The following RSF1 variants were observed in gnomAD, a reference collection of about 807,000 sequenced individuals.
RSF1 encodes HBV pX-associated protein 8.
In RSF1, 13 loss-of-function variants were observed where a neutral mutation model predicts 145.2. The ratio of observed to expected loss-of-function variants is 0.09; its 90% CI spans 0.06 to 0.14. The LOEUF is 0.14. RSF1 is among the 10% of genes least tolerant of loss of function. The probability of loss-of-function intolerance (pLI) is 1.00; values close to 1 mark genes in which losing one functional copy is unlikely to be tolerated. For synonymous variants in RSF1, 577 were observed against 592.6 expected, an observed-to-expected ratio of 0.97 and a Z score of 0.38; for missense variants, 1,517 against 1,718.2, an observed-to-expected ratio of 0.88 and a Z score of 2.07.
intron 11 of RSF1, among the ~76,000 whole-genome samples, chr11:77,678,654 A>G (rs1033227109): frequency 1.3e-5 from 2 of 152,166 alleles, no homozygotes; most frequent in South Asian, 2.1e-4. Context: ...GCCCTCATGT[A>G]TAAGATTAGT....
chr11:77,683,340 T>A (rs561153226), intron 11 of RSF1, among the ~76,000 whole-genome samples: 25 of 151,932 alleles, frequency 1.6e-4, no homozygotes, highest in Admixed American at 7.9e-4. Context: ...GGAAATCTGA[T>A]AAAGTATGTT....
intron 1 of RSF1, among the ~76,000 whole-genome samples, chr11:77,812,549 G>A (rs745804431): frequency 6.6e-6 from 1 of 152,108 alleles, no homozygotes; most frequent in Non-Finnish European, 1.5e-5. Flanking sequence ...GCTGAAGCCT[G>A]GTCTGTCTGC....
chr11:77,674,965 C>G (rs1959660156), intron 14 of RSF1, 71 bp downstream of exon 14: 1 of 1,283,758 alleles, frequency 7.8e-7, no homozygotes, highest in Admixed American at 2.3e-5. Context: ...TGCCATTGCA[C>G]TCCAGCATGA....
At chr11:77,670,079 T>C (rs935797633) in intron 15 of RSF1, among the ~76,000 whole-genome samples, 17 of 152,216 alleles carry the variant, frequency 1.1e-4, no homozygotes, top group African/African-American at 2.2e-4. Flanking sequence ...TGAGCTGTGA[T>C]TGTGCCACTG....
In RSF1 at chr11:77,700,701, AAAGTT is replaced by A. The variant is rs1960397699; in HGVS notation, c.2508+15_2508+19del. Reference sequence around the variant, plus strand: ...TATATAGAGACAAATATTTTTAATTAAAGTTAAGACAAGTTTTACCTTGCTTACTT... The same window carrying A: ...TATATAGAGACAAATATTTTTAATTAAAGACAAGTTTTACCTTGCTTACTT... On this transcript the variant is annotated intron_variant, in intron 6 of 15. Transcript: ENST00000308488. 6.6e-7 allele frequency: 1 copy of A among 1,515,424 alleles called. No homozygotes were observed. Among genetic ancestry groups the A allele is most frequent in the African/African-American group, 1.4e-5 (1 of 71,616 alleles). 93.9% of individuals were successfully genotyped at this position (1,515,424 alleles called of 1,614,324 possible).
chr11:77,814,522 T>G (rs368961865), intron 1 of RSF1, among the ~76,000 whole-genome samples: 43 of 152,202 alleles, frequency 2.8e-4, no homozygotes, highest in African/African-American at 9.4e-4. Flanking sequence ...CTTGGCTCAC[T>G]GCAACCTCTG....
chr11:77,767,077 G>C (rs1409573730), intron 1 of RSF1, among the ~76,000 whole-genome samples: 1 of 152,170 alleles, frequency 6.6e-6, no homozygotes, highest in African/African-American at 2.4e-5. Flanking sequence ...AATGGTTCTG[G>C]TCAAGTCCTT....
At chr11:77,703,392 AT>A (rs1960469866) in intron 5 of RSF1, 1 of 152,220 alleles carries the variant, frequency 6.6e-6, no homozygotes, top group Non-Finnish European at 1.5e-5. Context: ...TCCAGAATTC[AT>A]TGACTACTAA....
At chr11:77,771,077 T>A (rs1236407364) in intron 1 of RSF1, among the ~76,000 whole-genome samples, 1 of 151,934 alleles carries the variant, frequency 6.6e-6, no homozygotes, top group Non-Finnish European at 1.5e-5. Flanking sequence ...TTAACGATCA[T>A]AGAGAGGAAT....
chr11:77,771,893 G>A (rs549504169), intron 1 of RSF1, among the ~76,000 whole-genome samples: 1 of 152,204 alleles, frequency 6.6e-6, no homozygotes, highest in Non-Finnish European at 1.5e-5. Context: ...TTGGACTAAG[G>A]CTGTGGTGCA....
chr11:77,813,460 C>A (rs1055598789), intron 1 of RSF1: 51 of 1,161,198 alleles, frequency 4.4e-5, no homozygotes, highest in Non-Finnish European at 6.4e-5. Context: ...CGTCTTAGAA[C>A]CTTCACCACA....
chr11:77,858,820 G>A, the RSF1 span, among the ~76,000 whole-genome samples: 7 of 152,326 alleles, frequency 4.6e-5, no homozygotes, highest in African/African-American at 1.7e-4. Flanking sequence ...TCTTAGTCAT[G>A]GACTGCATCG....
At chr11:77,872,109 A>C in the RSF1 span, 8 of 1,525,556 alleles carry the variant, frequency 5.2e-6, no homozygotes, top group African/African-American at 1.4e-5. Context: ...CACCTGCCTC[A>C]TGGCAGTAAA....
chr11:77,732,915 T>C (rs1961242974), intron 4 of RSF1, among the ~76,000 whole-genome samples: 1 of 152,264 alleles, frequency 6.6e-6, no homozygotes. Flanking sequence ...AAACAGTATG[T>C]GCTTCTTTCA....
At chr11:77,772,564 T>C (rs978568948) in intron 1 of RSF1, among the ~76,000 whole-genome samples, 5 of 152,086 alleles carry the variant, frequency 3.3e-5, no homozygotes, top group Admixed American at 2.6e-4. Flanking sequence ...AAAAACTATG[T>C]TATATGTATA....
At position 77,801,416 on chromosome 11, in the gene RSF1, C is replaced by T. The variant is rs904073398; in HGVS notation, c.187+19112G>A. The stretch of plus-strand genomic sequence containing the variant: ...GCACTCCAGCCTGGGCAAAACAGAG[C>T]AAGACTCCGTCTCAAAAAAAGAAGA... On this transcript the variant is annotated intron_variant, in intron 1 of 15. Transcript: ENST00000308488. Among the ~76,000 whole-genome samples, 5 of 152,220 alleles carry T rather than the reference C, an allele frequency of 3.3e-5. No individual in the cohort carries two copies. In the South Asian group the frequency reaches 1.0e-3, roughly 32 times the overall value.
chr11:77,667,081 T>G lies in RSF1; in HGVS notation c.4162A>C (p.Thr1388Pro). 6.2e-7 allele frequency: 1 copy of G among 1,614,194 alleles called. No individual in the cohort carries two copies. The highest frequency in any genetic ancestry group is 8.5e-7 in the Non-Finnish European group (1 of 1,180,030). The change falls in exon 16 of 16, where the codon ACT becomes CCT. Residue 1388 changes from threonine (T) to proline (P), a missense_variant. Thr to Pro is a conservative substitution (Grantham distance 38). Transcript: ENST00000308488. Reference protein sequence around the residue: ...KAIENLIGKPTEKSQTPKDNS... With the variant: ...KAIENLIGKPPEKSQTPKDNS... ...TCCTTGGGGGTCTGAGACTTCTCAG[T>G]AGGCTTGCCAATCAAGTTCTCAATG...
chr11:77,710,738 A>G (rs530485500), intron 5 of RSF1, among the ~76,000 whole-genome samples: 2 of 152,358 alleles, frequency 1.3e-5, no homozygotes, highest in South Asian at 4.1e-4. Context: ...GAATGCTGAC[A>G]TTCCCATTCT....
intron 1 of RSF1, among the ~76,000 whole-genome samples, chr11:77,778,332 GTT>G (rs1223380258): frequency 6.6e-6 from 1 of 151,554 alleles, no homozygotes; most frequent in Non-Finnish European, 1.5e-5. Flanking sequence ...TCCTAGCGGT[GTT>G]TTACTAAGAC....
Sources: allele counts gnomAD v4.1 joint callset (sites outside exome capture counted in the v4.1 genomes callset), GRCh38; gene constraint gnomAD v4.1.1; transcripts MANE v1.5; gene names NCBI Gene and HGNC (gene_info 2026-07-23, HGNC 2026-07-21).